DCHS2: variants seen among roughly 807,000 people sequenced by gnomAD.
DCHS2 encodes protocadherin-23.
Under a neutral mutation model 182.4 loss-of-function variants are expected in DCHS2, and 142 were observed. That is an observed-to-expected ratio of 0.78 (90% CI 0.68 to 0.89). The LOEUF is 0.89. Ranked by LOEUF, DCHS2 falls within the 40% of genes least tolerant of loss-of-function variation. The pLI is 0.00. For missense variants in DCHS2, 4,319 were observed against 4,198.6 expected (o/e 1.03, Z -0.79); for synonymous variants, 1,740 against 1,663.3 (o/e 1.05, Z -1.12).
chr4:154,247,029 A>G (rs1179116998), intron 16 of DCHS2, among the ~76,000 whole-genome samples: 1 of 152,254 alleles, frequency 6.6e-6, no homozygotes, highest in Non-Finnish European at 1.5e-5. Flanking sequence ...CAAGAAAATT[A>G]AAAGAAATAT....
chr4:154,491,525 C>A lies in DCHS2; in HGVS notation c.-170G>T. 1 of 1,397,356 alleles carries A rather than the reference C, an allele frequency of 7.2e-7. No individual in the cohort carries two copies. The highest frequency in any genetic ancestry group is 9.2e-7 in the Non-Finnish European group (1 of 1,082,182). The allele number at this position is 1,397,356 out of a possible 1,614,324, so 86.6% of individuals were successfully genotyped here. ...AGGTTACATCTGCAACTGGTGAAAG[C>A]GTCCTCTGCCTGCAGCTCACGCAGA... On this transcript the variant is annotated 5_prime_UTR_variant, in exon 1 of 20. Coordinates refer to ENST00000357232, the MANE Select transcript of DCHS2 (RefSeq NM_001358235.2).
chr4:154,326,473 G>A (rs1283299721), intron 7 of DCHS2, among the ~76,000 whole-genome samples: 1 of 152,020 alleles, frequency 6.6e-6, no homozygotes, highest in East Asian at 1.9e-4. Context: ...TTCTTTGTGA[G>A]CTTCTGCATT....
At chr4:154,467,233 C>T (rs1471484604) in intron 1 of DCHS2, among the ~76,000 whole-genome samples, 2 of 152,130 alleles carry the variant, frequency 1.3e-5, no homozygotes, top group Admixed American at 6.5e-5. Flanking sequence ...AATTTATAAG[C>T]TTAATATACA....
chr4:154,489,860 C>T lies in DCHS2; in HGVS notation c.1496G>A (p.Arg499Lys), dbSNP rs756678676. ...FFLCVEGPLD[R>K]ESRDLYELLL... ...TAACTCATACAGATCGCGGCTCTCTCTGTCCAGGGGCCCCTCCACGCAAAG... is the reference window on the plus strand; with the variant it reads ...TAACTCATACAGATCGCGGCTCTCTTTGTCCAGGGGCCCCTCCACGCAAAG... Residue 499 changes from arginine to lysine, a missense_variant, in exon 1 of 20, where the codon AGA (arginine) becomes AAA (lysine). By Grantham distance (26) the Arg-to-Lys change is conservative (BLOSUM62 2). Coordinates refer to ENST00000357232, the MANE Select transcript of DCHS2 (RefSeq NM_001358235.2). The T allele has an allele frequency of 1.3e-6, 2 of 1,548,008 alleles. No homozygotes were observed. Among genetic ancestry groups the T allele is most frequent in the East Asian group, 2.5e-5 (1 of 40,778 alleles).
chr4:154,489,987 C>G lies in DCHS2; in HGVS notation c.1369G>C (p.Glu457Gln), dbSNP rs1176327698. The change falls in exon 1 of 20, where the codon GAG becomes CAG. Residue 457 changes from glutamate (E) to glutamine (Q), a missense_variant. Transcript: ENST00000357232. ...DWEKEDEATG[E>Q]LGVGLGDGSI... ...CCGTCTCCAAGACCCACACCAAGCT[C>G]CCCTGTGGCCTCATCTTCCTTCTCC... 2.1e-5 allele frequency: 33 copies of G among 1,549,810 alleles called. No homozygotes were observed. Among genetic ancestry groups the G allele is most frequent in the Non-Finnish European group, 2.8e-5 (32 of 1,146,636 alleles).
chr4:154,377,346 G>A lies in DCHS2; in HGVS notation c.2151C>T (p.Ile717=), dbSNP rs752242525. The A allele has an allele frequency of 2.8e-5, 45 of 1,613,498 alleles. No individual in the cohort carries two copies. Among genetic ancestry groups the A allele is most frequent in the Non-Finnish European group, 3.6e-5 (42 of 1,179,710 alleles). The change falls in exon 2 of 20, where the codon ATC becomes ATT. Residue 717 remains isoleucine, a synonymous_variant. Transcript: ENST00000357232. ...LSYEAPQAFR[I]DPHDGQICVS... is the part of the protein sequence containing the mutation. ...CACAGATTTGCCCATCATGAGGGTCGATCCGGAATGCCTGAGGTGCTTCAT... is the reference window on the plus strand; with the variant it reads ...CACAGATTTGCCCATCATGAGGGTCAATCCGGAATGCCTGAGGTGCTTCAT...
chr4:154,333,435 T>G lies in DCHS2; in HGVS notation c.2773A>C (p.Ile925Leu). The G allele has an allele frequency of 6.2e-7, 1 of 1,613,874 alleles. No individual in the cohort carries two copies. Among genetic ancestry groups the G allele is most frequent in the Non-Finnish European group, 8.5e-7 (1 of 1,179,992 alleles). The change falls in exon 5 of 20, where the codon ATT (isoleucine) becomes CTT (leucine). Residue 925 changes from isoleucine to leucine, a missense_variant. Coordinates refer to ENST00000357232, the MANE Select transcript of DCHS2 (RefSeq NM_001358235.2). The part of the protein sequence containing the change: ...SSGDLGGKFS[I>L]HPRLGTIRTR... The stretch of plus-strand genomic sequence containing the variant: ...CGAATAGTGCCCAGCCGCGGGTGAA[T>G]GGAGAACTTTCCGCCGAGATCACCA...
chr4:154,419,001 T>C (rs1456858091), intron 1 of DCHS2, among the ~76,000 whole-genome samples: 1 of 152,250 alleles, frequency 6.6e-6, no homozygotes, highest in African/African-American at 2.4e-5. Flanking sequence ...CCTATATGCA[T>C]GTGTATGTGT....
At chr4:154,253,861 AT>A in intron 16 of DCHS2, among the ~76,000 whole-genome samples, 1 of 151,988 alleles carries the variant, frequency 6.6e-6, no homozygotes, top group East Asian at 1.9e-4. Flanking sequence ...ACATATTATA[AT>A]TTTTTCATAA....
At chr4:154,369,565 C>T (rs933073673) in intron 2 of DCHS2, among the ~76,000 whole-genome samples, 3 of 152,178 alleles carry the variant, frequency 2.0e-5, no homozygotes, top group African/African-American at 7.2e-5. Context: ...GAGTCAGAGC[C>T]ACCCAGCAAA....
At chr4:154,475,706 G>C (rs1735653853) in intron 1 of DCHS2, among the ~76,000 whole-genome samples, 1 of 152,130 alleles carries the variant, frequency 6.6e-6, no homozygotes, top group Non-Finnish European at 1.5e-5. Flanking sequence ...CTATTAAGAG[G>C]CAGTCCTAAC....
At position 154,331,588 on chromosome 4, in the gene DCHS2, C is replaced by A. The variant is rs753167119; in HGVS notation, c.3730+890G>T. Reference sequence around the variant, plus strand: ...CATCTGCTGTGAAAGGTCACCTTCTCCTAATTCACAGAACAGAGACTTGAG... The same window carrying A: ...CATCTGCTGTGAAAGGTCACCTTCTACTAATTCACAGAACAGAGACTTGAG... On this transcript the variant is annotated intron_variant, in intron 5 of 19. Transcript: ENST00000357232. 4.3e-6 allele frequency: 7 copies of A among 1,610,038 alleles called. No individual in the cohort carries two copies. In the Admixed American group the frequency reaches 1.2e-4, roughly 27 times the overall value.
At chr4:154,247,615 T>G (rs1418464469) in intron 16 of DCHS2, among the ~76,000 whole-genome samples, 2 of 124,722 alleles carry the variant, frequency 1.6e-5, no homozygotes, top group African/African-American at 6.7e-5. Context: ...CCAGCCTGGG[T>G]GAAGAGCAAG....
intron 1 of DCHS2, among the ~76,000 whole-genome samples, chr4:154,386,553 T>C (rs1579034840): frequency 6.6e-6 from 1 of 152,180 alleles, no homozygotes; most frequent in African/African-American, 2.4e-5. Flanking sequence ...TTGCATTATA[T>C]ATTTTTATTT....
chr4:154,335,143 T>C (rs758732574), intron 3 of DCHS2, 39 bp from the exon 4 acceptor site: 11 of 1,300,306 alleles, frequency 8.5e-6, no homozygotes, highest in Non-Finnish European at 1.2e-5. Flanking sequence ...ACAGATAACA[T>C]GTAATAAATA....
chr4:154,342,496 C>G (rs1729154543), intron 3 of DCHS2, among the ~76,000 whole-genome samples: 1 of 152,168 alleles, frequency 6.6e-6, no homozygotes, highest in African/African-American at 2.4e-5. Flanking sequence ...TCCTCCTAGG[C>G]CCTACTGATG....
chr4:154,369,943 C>T (rs895834748), intron 2 of DCHS2, among the ~76,000 whole-genome samples: 3 of 152,186 alleles, frequency 2.0e-5, no homozygotes, highest in African/African-American at 7.2e-5. Flanking sequence ...ACCGTTACTT[C>T]TACTTTGGTA....
rs144584735 is a variant in DCHS2, at chr4:154,464,326, A to G, written c.2052+24978T>C. 5.9e-5 allele frequency among the ~76,000 whole-genome samples: 9 copies of G among 152,286 alleles called. 1 individual carries two copies. The East Asian group carries it at 1.7e-3, about 29-fold the overall frequency. ...GAAATGAATGTGGAGTTTGATTCCT[A>G]CTTTTGATTACACAAGATTCCTGAT... On this transcript the variant is annotated intron_variant, in intron 1 of 19. Transcript: ENST00000357232.
chr4:154,316,311 C>T (rs563858727), intron 9 of DCHS2, among the ~76,000 whole-genome samples: 2 of 152,268 alleles, frequency 1.3e-5, no homozygotes, highest in Admixed American at 1.3e-4. Context: ...ATCTAGGATA[C>T]TAACAATATA....
Sources: gnomAD v4.1 joint callset for allele counts (sites outside exome capture counted in the v4.1 genomes callset) on GRCh38, gnomAD v4.1.1 for gene constraint, MANE v1.5 for transcripts, NCBI Gene and HGNC (gene_info 2026-07-23, HGNC 2026-07-21) for gene names.